ABLIM1: variants seen among roughly 807,000 people sequenced by gnomAD.
The protein encoded by ABLIM1 is actin binding LIM protein 1, also known as actin-binding LIM protein 1.
Under a neutral mutation model 107.0 loss-of-function variants are expected in ABLIM1, and 40 were observed. The observed-to-expected ratio is 0.37, with a 90% CI of 0.29 to 0.49. The LOEUF (loss-of-function observed/expected upper bound fraction) is 0.49. Ranked by LOEUF, ABLIM1 falls within the 20% of genes least tolerant of loss-of-function variation. The pLI is 0.97. For synonymous variants in ABLIM1, 357 were observed against 357.3 expected (o/e 1.00, Z 0.01); for missense variants, 857 against 1,008.5 (o/e 0.85, Z 2.04).
rs372139267 is a variant in ABLIM1, at chr10:114,465,666, T to C, written c.1441+32A>G. The C allele has an allele frequency of 3.7e-6, 6 of 1,612,130 alleles. No individual in the cohort carries two copies. In the African/African-American group the frequency reaches 5.3e-5, roughly 14 times the overall value. On this transcript the variant is annotated intron_variant, in intron 12 of 22. Transcript: ENST00000533213. ...AAAATCACAGAAACATAGTTTGTTA[T>C]ATAGAGTGAATCCAGGAACAGTCAC...
chr10:114,756,083 A>AGTGTGT (rs10624515), intron 1 of ABLIM1, among the ~76,000 whole-genome samples: 1,746 of 150,730 alleles, frequency 0.012, 24 homozygotes, highest in African/African-American at 0.038. Context: ...TGTGTTTGTG[A>AGTGTGT]GTGTGTGTGT....
At chr10:114,752,025 A>C (rs1442253022) in intron 1 of ABLIM1, among the ~76,000 whole-genome samples, 1 of 152,214 alleles carries the variant, frequency 6.6e-6, no homozygotes, top group Non-Finnish European at 1.5e-5. Flanking sequence ...CCCTTTGCTC[A>C]AGTAACATTA....
intron 1 of ABLIM1, among the ~76,000 whole-genome samples, chr10:114,665,609 A>G (rs1179398135): frequency 6.6e-6 from 1 of 152,260 alleles, no homozygotes; most frequent in Non-Finnish European, 1.5e-5. Context: ...CTTTAAAAGC[A>G]TACTCAATTG....
chr10:114,733,342 A>T (rs567157566), intron 1 of ABLIM1, among the ~76,000 whole-genome samples: 1 of 152,340 alleles, frequency 6.6e-6, no homozygotes, highest in East Asian at 1.9e-4. Context: ...GTAGGACCAA[A>T]AAAATTGCCC....
At chr10:114,694,519 A>G (rs2081155054) in intron 1 of ABLIM1, among the ~76,000 whole-genome samples, 1 of 152,142 alleles carries the variant, frequency 6.6e-6, no homozygotes, top group South Asian at 2.1e-4. Context: ...ACCACTCACT[A>G]GTTGGGTGAT....
Position 114,669,577 on chromosome 10 carries a change from A to G in ABLIM1, c.64+14713T>C, listed in dbSNP as rs550836638. Among the ~76,000 whole-genome samples, 4 of 152,372 alleles carry G rather than the reference A, an allele frequency of 2.6e-5. No individual in the cohort carries two copies. In the East Asian group the frequency reaches 5.8e-4, roughly 22 times the overall value. ...CCATGATCTGCATCAAGGCAATTCA[A>G]TCAGCATTTATTGAGCATTTCTTTG... On this transcript the variant is annotated intron_variant, in intron 1 of 23. Transcript: ENST00000369256.
chr10:114,496,349 G>A (rs2059664297), intron 6 of ABLIM1, among the ~76,000 whole-genome samples: 1 of 152,176 alleles, frequency 6.6e-6, no homozygotes, highest in South Asian at 2.1e-4. Context: ...GTCCTTTGCA[G>A]GGACATGGAT....
chr10:114,726,039 T>C lies in ABLIM1; in HGVS notation c.-213+42022A>G, dbSNP rs577529851. Among the ~76,000 whole-genome samples the C allele has an allele frequency of 9.2e-5, 14 of 152,250 alleles. No homozygotes were observed. The South Asian group carries it at 2.7e-3, about 29-fold the overall frequency. On this transcript the variant is annotated intron_variant, in intron 1 of 15. Transcript: ENST00000651092. ...GTGGGATTACAGGCATGAGCCACCATGCCTGGCCTTGTGTGACTTGAGTTC... is the reference window on the plus strand; with the variant it reads ...GTGGGATTACAGGCATGAGCCACCACGCCTGGCCTTGTGTGACTTGAGTTC...
chr10:114,785,008 G>A, the ABLIM1 span, among the ~76,000 whole-genome samples: 90 of 152,222 alleles, frequency 5.9e-4, no homozygotes, highest in African/African-American at 2.0e-3. Context: ...TCTTATACTT[G>A]CAGAGTAAGT....
intron 6 of ABLIM1, among the ~76,000 whole-genome samples, chr10:114,520,789 T>C (rs2145893): frequency 0.6 from 90,305 of 151,744 alleles, 27,764 homozygotes; most frequent in African/African-American, 0.76. Context: ...CTGGGCAACA[T>C]AGTGAGACCC....
intron 1 of ABLIM1, among the ~76,000 whole-genome samples, chr10:114,655,030 A>T (rs1278480211): frequency 6.6e-6 from 1 of 152,174 alleles, no homozygotes; most frequent in African/African-American, 2.4e-5. Flanking sequence ...GAGCCCTACA[A>T]AAAAAATCTG....
chr10:114,746,091 T>A (rs2082379259), intron 1 of ABLIM1, among the ~76,000 whole-genome samples: 2 of 152,186 alleles, frequency 1.3e-5, no homozygotes, highest in African/African-American at 4.8e-5. Context: ...ACCTCAATAT[T>A]TAACTTGATA....
chr10:114,609,740 A>C (rs2076678807), intron 1 of ABLIM1, among the ~76,000 whole-genome samples: 1 of 152,220 alleles, frequency 6.6e-6, no homozygotes, highest in African/African-American at 2.4e-5. Flanking sequence ...TGACATTTGC[A>C]AGAAATCACT....
At chr10:114,765,797 T>C (rs899062062) in intron 1 of ABLIM1, among the ~76,000 whole-genome samples, 4 of 152,152 alleles carry the variant, frequency 2.6e-5, no homozygotes, top group Admixed American at 1.3e-4. Flanking sequence ...AACACTGAAA[T>C]AGGAAGAAAA....
At chr10:114,539,796 C>T (rs2066438074) in intron 6 of ABLIM1, among the ~76,000 whole-genome samples, 1 of 152,122 alleles carries the variant, frequency 6.6e-6, no homozygotes, top group Non-Finnish European at 1.5e-5. Flanking sequence ...TGCCCCACTC[C>T]CCCATGACAT....
intron 2 of ABLIM1, among the ~76,000 whole-genome samples, chr10:114,587,828 T>C (rs986863008): frequency 2.6e-5 from 4 of 152,162 alleles, no homozygotes; most frequent in African/African-American, 9.7e-5. Context: ...GACTGAGCTC[T>C]AAGTGGTCTC....
intron 17 of ABLIM1, among the ~76,000 whole-genome samples, chr10:114,442,277 T>A (rs574349739): frequency 2.4e-4 from 36 of 152,234 alleles, no homozygotes; most frequent in Non-Finnish European, 3.8e-4. Flanking sequence ...AAGCCAACCC[T>A]GTATGTTATC....
intron 1 of ABLIM1, among the ~76,000 whole-genome samples, chr10:114,679,273 C>T (rs1415763263): frequency 6.6e-6 from 1 of 152,198 alleles, no homozygotes; most frequent in Non-Finnish European, 1.5e-5. Context: ...GCCTGCTCTT[C>T]TGAGGGCTTG....
chr10:114,445,460 C>T (rs1014415731), intron 15 of ABLIM1, 57 bp from the exon 16 acceptor site: 145 of 1,418,252 alleles, frequency 1.0e-4, no homozygotes, highest in Admixed American at 3.7e-4. Context: ...GGAATCTTAA[C>T]GGGCTAGTCC....
Sources: allele counts gnomAD v4.1 joint callset (sites outside exome capture counted in the v4.1 genomes callset), GRCh38; gene constraint gnomAD v4.1.1; transcripts MANE v1.5; gene names NCBI Gene and HGNC (gene_info 2026-07-23, HGNC 2026-07-21).